Variants in AEN observed in about 807,000 individuals in gnomAD.
AEN encodes apoptosis enhancing nuclease.
AEN carries 21 observed loss-of-function variants against 17.7 expected under a neutral mutation model. That is an observed-to-expected ratio of 1.19 (90% confidence interval 0.84 to 1.71). The LOEUF (loss-of-function observed/expected upper bound fraction) is 1.71, where lower values mean the gene tolerates loss of function less well. Among genes scored for constraint, AEN ranks in the 40% most tolerant of loss-of-function variants. AEN has a pLI of 0.00. For missense variants in AEN, 462 were observed against 435.9 expected (o/e 1.06, Z -0.53); for synonymous variants, 190 against 173.0 (o/e 1.10, Z -0.77).
At chr15:88,622,338 G>T (rs1219651568) in intron 1 of AEN, among the ~76,000 whole-genome samples, 1 of 152,150 alleles carries the variant, frequency 6.6e-6, no homozygotes, top group African/African-American at 2.4e-5. Flanking sequence ...GCTACATTTG[G>T]GTCCCCAAAG....
chr15:88,605,094 G>C, the AEN span: 1 of 152,674 alleles, frequency 6.5e-6, no homozygotes, highest in East Asian at 1.9e-4. The surrounding 1 kb of genome is among the most constrained non-coding windows in gnomAD (Gnocchi z 7.6). Flanking sequence ...GGCCAGGCTT[G>C]GCACCCGCCA....
At chr15:88,612,266 G>T in the AEN span, among the ~76,000 whole-genome samples, 11 of 152,276 alleles carry the variant, frequency 7.2e-5, no homozygotes, top group South Asian at 1.7e-3. Flanking sequence ...GGGCCTCATT[G>T]TCTGTGGCCC....
upstream of AEN, among the ~76,000 whole-genome samples, chr15:88,618,088 TG>T (rs893951389): frequency 4.6e-5 from 7 of 152,306 alleles, no homozygotes; most frequent in East Asian, 5.8e-4. Flanking sequence ...AATCCCTTTT[TG>T]CCTACCCCTT....
intron 1 of AEN, among the ~76,000 whole-genome samples, chr15:88,625,226 A>G (rs1418751451): frequency 1.3e-5 from 2 of 152,224 alleles, no homozygotes; most frequent in Non-Finnish European, 2.9e-5. Context: ...AGGTAAAGAA[A>G]TTACACTTAA....
chr15:88,606,963 T>TGA, the AEN span, among the ~76,000 whole-genome samples: 2 of 114,844 alleles, frequency 1.7e-5, no homozygotes, highest in African/African-American at 7.6e-5. Context: ...CCCCTTAAAA[T>TGA]GAGAAAAAAA....
chr15:88,625,884 A>C (rs945293163), intron 1 of AEN, among the ~76,000 whole-genome samples: 2 of 152,242 alleles, frequency 1.3e-5, no homozygotes, highest in Admixed American at 1.3e-4. Context: ...CTTACCTGTA[A>C]AATGAAGATG....
upstream of AEN, among the ~76,000 whole-genome samples, chr15:88,619,765 G>T (rs79654095): frequency 5.9e-4 from 89 of 151,982 alleles, 1 homozygote; most frequent in East Asian, 0.015. Flanking sequence ...CCTGAAGACC[G>T]CTGTCCTATA....
At chr15:88,608,852 G>T in the AEN span, among the ~76,000 whole-genome samples, 4 of 152,216 alleles carry the variant, frequency 2.6e-5, no homozygotes, top group Non-Finnish European at 2.9e-5. Flanking sequence ...GGTAGGTGAT[G>T]GTTATCCTGG....
chr15:88,626,320 C>G lies in AEN; in HGVS notation c.111C>G (p.His37Gln), dbSNP rs2057852107. 1.9e-6 allele frequency: 3 copies of G among 1,613,574 alleles called. No individual in the cohort carries two copies. Among genetic ancestry groups the G allele is most frequent in the Non-Finnish European group, 2.5e-6 (3 of 1,179,972 alleles). Reference protein sequence around the residue: ...RKRHKRRSRQHQRFMARKALL... With the variant: ...RKRHKRRSRQQQRFMARKALL... ...GGCACAAGAGAAGGAGCCGACAGCA[C>G]CAGCGGTTCATGGCCCGGAAGGCCT... is the stretch of plus-strand genomic sequence containing the variant. Residue 37 changes from histidine to glutamine, a missense_variant, in exon 2 of 4, where the codon CAC (histidine) becomes CAG (glutamine). By Grantham distance (24) the His-to-Gln change is conservative (BLOSUM62 0). Transcript: ENST00000332810.
rs749362230 is a variant in AEN, at chr15:88,626,676, A to G, written c.467A>G (p.Tyr156Cys). Residue 156 changes from tyrosine (Y) to cysteine (C), a missense_variant, in exon 2 of 4, where the codon TAC (tyrosine) becomes TGC (cysteine). Coordinates refer to ENST00000332810, the MANE Select transcript of AEN (RefSeq NM_022767.4). Reference sequence around the variant, plus strand: ...AGGCCTGAGATGCCCATCGCTGACTACCGTACCCGCTGGAGTGGCATCACT... The same window carrying G: ...AGGCCTGAGATGCCCATCGCTGACTGCCGTACCCGCTGGAGTGGCATCACT... Reference protein sequence around the residue: ...YIRPEMPIADYRTRWSGITRQ... With the variant: ...YIRPEMPIADCRTRWSGITRQ... 1 of 1,613,748 alleles carries G rather than the reference A, an allele frequency of 6.2e-7. No individual in the cohort carries two copies.
the AEN span, among the ~76,000 whole-genome samples, chr15:88,606,913 A>G: frequency 2.0e-5 from 3 of 151,874 alleles, no homozygotes; most frequent in Non-Finnish European, 4.4e-5. Context: ...AGTCCTTTAT[A>G]CTGAAGGAGC....
chr15:88,630,925 G>C lies in AEN; in HGVS notation c.*631G>C, dbSNP rs1234115412. 1 of 315,658 alleles carries C rather than the reference G, an allele frequency of 3.2e-6. No homozygotes were observed. The highest frequency in any genetic ancestry group is 6.5e-6 in the Non-Finnish European group (1 of 153,516). The allele number at this position is 315,658 out of a possible 1,614,324, so 19.6% of individuals were successfully genotyped here. A position where few individuals can be genotyped will look rare whatever the true frequency, so the allele number is the denominator to read the frequency against. On this transcript the variant is annotated 3_prime_UTR_variant, in exon 4 of 4. Coordinates refer to ENST00000332810, the MANE Select transcript of AEN (RefSeq NM_022767.4). The surrounding 1 kb of genome is among the most constrained non-coding windows in gnomAD (Gnocchi z 5.1). ...TAGGAACTCCGTGCCTGGCCTGTCAGCTCCCTGCTAGGCTACAGTGGAATA... is the reference window on the plus strand; with the variant it reads ...TAGGAACTCCGTGCCTGGCCTGTCACCTCCCTGCTAGGCTACAGTGGAATA...
At position 88,630,347 on chromosome 15, in the gene AEN, GGGCCAGGAGAGCAGC is replaced by G. The variant is rs771813576; in HGVS notation, c.*56_*70del. On this transcript the variant is annotated 3_prime_UTR_variant, in exon 4 of 4. Coordinates refer to ENST00000332810, the MANE Select transcript of AEN (RefSeq NM_022767.4). The surrounding 1 kb of genome is among the most constrained non-coding windows in gnomAD (Gnocchi z 5.1). ...TTCCGGTGTGGCCGGTAGGAAGTGG[GGGCCAGGAGAGCAGC>G]GGGCACTCCTTCCTGGGCAGGGTGG... is the stretch of plus-strand genomic sequence containing the variant. 2.0e-3 allele frequency: 3,024 copies of G among 1,508,116 alleles called. 54 individuals are homozygous for G. The African/African-American group carries it at 0.037, about 19-fold the overall frequency. The allele number at this position is 1,508,116 out of a possible 1,614,324, so 93.4% of individuals were successfully genotyped here. A position where few individuals can be genotyped will look rare whatever the true frequency, so the allele number is the denominator to read the frequency against.
upstream of AEN, among the ~76,000 whole-genome samples, chr15:88,620,300 C>T (rs2057771826): frequency 6.6e-6 from 1 of 152,092 alleles, no homozygotes; most frequent in East Asian, 1.9e-4. Context: ...GGTCATTGTA[C>T]AAATTAACTG....
chr15:88,630,069 C>T lies in AEN; in HGVS notation c.753C>T (p.His251=), dbSNP rs762964951. The T allele has an allele frequency of 8.7e-6, 14 of 1,613,836 alleles. No homozygotes were observed. The African/African-American group carries it at 1.2e-4, about 14-fold the overall frequency. The change falls in exon 4 of 4, where the codon CAC becomes CAT. Residue 251 remains histidine (H), a synonymous_variant. Coordinates refer to ENST00000332810, the MANE Select transcript of AEN (RefSeq NM_022767.4). The surrounding 1 kb of genome is among the most constrained non-coding windows in gnomAD (Gnocchi z 5.1). The part of the protein sequence containing the change: ...LLHKKIQVGQ[H]GHSSVEDATT... ...GCTCTCGTCAGTAGGTGGGCCAGCA[C>T]GGGCACTCATCAGTAGAAGATGCCA...
chr15:88,608,945 C>T, the AEN span, among the ~76,000 whole-genome samples: 1 of 152,176 alleles, frequency 6.6e-6, no homozygotes, highest in East Asian at 1.9e-4. Flanking sequence ...ACCAAATAGT[C>T]CTACTCAGGG....
rs756781764 is a variant in AEN at position 88,629,428 on chromosome 15, T to G, written c.741+2T>G. On this transcript the variant is annotated splice_donor_variant, in intron 3 of 3. Coordinates refer to ENST00000332810, the MANE Select transcript of AEN (RefSeq NM_022767.4). LOFTEE classifies it high-confidence loss of function. ...CAGCTGCTGCACAAGAAGATCCAGG[T>G]GCGTGGTGGGAGAGTGGCTGGAAGG... 7.4e-6 allele frequency: 12 copies of G among 1,612,650 alleles called. No homozygotes were observed. In the South Asian group the frequency reaches 1.3e-4, roughly 18 times the overall value.
At chr15:88,620,704 C>T (rs139802290), upstream of AEN, among the ~76,000 whole-genome samples, 79 of 152,138 alleles carry the variant, frequency 5.2e-4, 2 homozygotes, top group African/African-American at 1.9e-3. Context: ...CACCGCGCCC[C>T]GGCCTCATGT....
chr15:88,608,136 G>C, the AEN span: 3 of 531,252 alleles, frequency 5.6e-6, no homozygotes, highest in Non-Finnish European at 1.2e-5. Context: ...TTCTTTCATT[G>C]GTTGGTGTGT....
Sources: allele counts gnomAD v4.1 joint callset (sites outside exome capture counted in the v4.1 genomes callset), GRCh38; gene constraint gnomAD v4.1.1; non-coding constraint Gnocchi (gnomAD v3.1); transcripts MANE v1.5; gene names NCBI Gene and HGNC (gene_info 2026-07-23, HGNC 2026-07-21).